Variants in ATAD5 observed in about 807,000 individuals in gnomAD.
The protein encoded by ATAD5 is ATPase family AAA domain-containing protein 5.
ATAD5 carries 58 observed loss-of-function variants against 176.9 expected under a neutral mutation model. That is an observed-to-expected ratio of 0.33 (90% CI 0.27 to 0.41). The LOEUF (loss-of-function observed/expected upper bound fraction) is 0.41. Ranked by LOEUF, ATAD5 falls within the 10% of genes least tolerant of loss-of-function variation. The pLI is 1.00. For missense variants in ATAD5, 1,789 were observed against 2,094.1 expected (o/e 0.85, Z 2.84); for synonymous variants, 640 against 712.6 (o/e 0.90, Z 1.62).
intron 18 of ATAD5, among the ~76,000 whole-genome samples, chr17:30,880,373 C>T (rs1342021985): frequency 6.6e-6 from 1 of 152,084 alleles, no homozygotes; most frequent in Non-Finnish European, 1.5e-5. Flanking sequence ...CTTTGGGAGG[C>T]CAGGTAGGGT....
chr17:30,841,102 T>C (rs1906085543), intron 4 of ATAD5, among the ~76,000 whole-genome samples: 1 of 151,994 alleles, frequency 6.6e-6, no homozygotes, highest in Non-Finnish European at 1.5e-5. Flanking sequence ...TTCTGCCTCC[T>C]GGGTTCGAGC....
At chr17:30,864,720 C>G (rs1474561097) in intron 10 of ATAD5, 1 of 152,196 alleles carries the variant, frequency 6.6e-6, no homozygotes, top group Non-Finnish European at 1.5e-5. Flanking sequence ...TTAGGTTCAG[C>G]TTATAAAGGA....
intron 1 of ATAD5, among the ~76,000 whole-genome samples, chr17:30,833,890 C>T (rs1000874307): frequency 1.3e-5 from 2 of 152,110 alleles, no homozygotes; most frequent in Admixed American, 1.3e-4. Flanking sequence ...CCACGTTGGC[C>T]AGGCTGGTCT....
Position 30,869,345 on chromosome 17 carries a change from A to G in ATAD5, c.3411A>G (p.Gly1137=). Residue 1137 remains glycine (G), a synonymous_variant, in exon 13 of 23, where the codon GGA becomes GGG. Transcript: ENST00000321990. ...TTATAACAGGGCCAACAGGAGTGGG[A>G]AAAACTGCTGCAGTGTATGCTTGTG... ...TVLITGPTGV[G]KTAAVYACAQ... The G allele has an allele frequency of 6.2e-7, 1 of 1,614,100 alleles. No individual in the cohort carries two copies. Among genetic ancestry groups the G allele is most frequent in the South Asian group, 1.1e-5 (1 of 91,060 alleles).
chr17:30,844,985 T>C, intron 6 of ATAD5, 69 bp downstream of exon 6: 1 of 1,315,176 alleles, frequency 7.6e-7, no homozygotes, highest in Non-Finnish European at 1.1e-6. Context: ...TGTGTTTACT[T>C]TGATGAGAAA....
Position 30,882,183 on chromosome 17 carries a change from G to C in ATAD5, c.4077+2696G>C, listed in dbSNP as rs1465305301. 2.6e-5 allele frequency among the ~76,000 whole-genome samples: 4 copies of C among 152,030 alleles called. No individual in the cohort carries two copies. The East Asian group carries it at 7.7e-4, about 29-fold the overall frequency. On this transcript the variant is annotated intron_variant, in intron 18 of 22. Coordinates refer to ENST00000321990, the MANE Select transcript of ATAD5 (RefSeq NM_024857.5). Reference sequence around the variant, plus strand: ...AGGCAGGAGAATTGCTCGAACCTGGGAGGCAGAGGTTGTGGTGAGCCAAGA... The same window carrying C: ...AGGCAGGAGAATTGCTCGAACCTGGCAGGCAGAGGTTGTGGTGAGCCAAGA...
At chr17:30,846,407 T>C (rs1332201035) in intron 6 of ATAD5, among the ~76,000 whole-genome samples, 1 of 151,674 alleles carries the variant, frequency 6.6e-6, no homozygotes. Flanking sequence ...TTTTTTTTTT[T>C]TTCTTTTTTT....
At chr17:30,883,813 T>G (rs917942520) in intron 18 of ATAD5, among the ~76,000 whole-genome samples, 1 of 152,210 alleles carries the variant, frequency 6.6e-6, no homozygotes, top group African/African-American at 2.4e-5. Flanking sequence ...CCTCCCAAAG[T>G]GCTGGGATTA....
chr17:30,888,415 G>A (rs538859278), intron 19 of ATAD5, among the ~76,000 whole-genome samples: 48 of 152,088 alleles, frequency 3.2e-4, no homozygotes, highest in African/African-American at 8.7e-4. Flanking sequence ...ATGGTGGTGC[G>A]TGTCTGTGGT....
chr17:30,884,811 A>C (rs1210428862), intron 18 of ATAD5, among the ~76,000 whole-genome samples: 1 of 140,070 alleles, frequency 7.1e-6, no homozygotes, highest in Non-Finnish European at 1.5e-5. Context: ...GCAGTGGTGC[A>C]ATCTCGGCTC....
chr17:30,872,819 G>A (rs552325778), intron 14 of ATAD5, among the ~76,000 whole-genome samples: 2 of 152,190 alleles, frequency 1.3e-5, no homozygotes, highest in South Asian at 2.1e-4. Flanking sequence ...GTCTCCCAGA[G>A]TGCTGGGATT....
At chr17:30,871,143 A>C (rs1011808182) in intron 14 of ATAD5, among the ~76,000 whole-genome samples, 3 of 129,802 alleles carry the variant, frequency 2.3e-5, no homozygotes, top group African/African-American at 1.0e-4. Context: ...TTACTATTCA[A>C]GTTTACACAT....
Position 30,843,904 on chromosome 17 carries a change from T to C in ATAD5, c.2242-9T>C. ...TTTAATTAAAATTTATTCTCTTATTTTGTCTTAGGATTCTGTTATAATAAT... is the reference window on the plus strand; with the variant it reads ...TTTAATTAAAATTTATTCTCTTATTCTGTCTTAGGATTCTGTTATAATAAT... On this transcript the variant is annotated splice_polypyrimidine_tract_variant and intron_variant, in intron 4 of 22. Coordinates refer to ENST00000321990, the MANE Select transcript of ATAD5 (RefSeq NM_024857.5). The C allele has an allele frequency of 7.6e-7, 1 of 1,308,740 alleles. No individual in the cohort carries two copies. The highest frequency in any genetic ancestry group is 1.0e-6 in the Non-Finnish European group (1 of 967,836). The allele number at this position is 1,308,740 out of a possible 1,614,324, so 81.1% of individuals were successfully genotyped here.
At chr17:30,845,191 A>G (rs185546529) in intron 6 of ATAD5, among the ~76,000 whole-genome samples, 119 of 152,194 alleles carry the variant, frequency 7.8e-4, no homozygotes, top group Non-Finnish European at 1.4e-3. Flanking sequence ...TTAAATACCT[A>G]CTAGTATGTA....
intron 18 of ATAD5, among the ~76,000 whole-genome samples, chr17:30,880,526 T>A (rs1265259744): frequency 1.3e-5 from 2 of 151,560 alleles, no homozygotes; most frequent in Non-Finnish European, 2.9e-5. Flanking sequence ...GAGAATCGCT[T>A]GAATTTGGGA....
chr17:30,881,584 T>G (rs1238052692), intron 18 of ATAD5, among the ~76,000 whole-genome samples: 1 of 152,148 alleles, frequency 6.6e-6, no homozygotes, highest in African/African-American at 2.4e-5. Context: ...ATTACAGGCG[T>G]GAGCCACCGC....
At chr17:30,857,211 C>T in intron 8 of ATAD5, 99 bp downstream of exon 8, 3 of 1,344,092 alleles carry the variant, frequency 2.2e-6, no homozygotes, top group Admixed American at 2.9e-5. Context: ...CGAGTGTTGT[C>T]CTAGAGTTTA....
At chr17:30,836,593 TCTCA>T (rs1905760960) in intron 2 of ATAD5, among the ~76,000 whole-genome samples, 1 of 151,850 alleles carries the variant, frequency 6.6e-6, no homozygotes, top group African/African-American at 2.4e-5. Flanking sequence ...TGAGATGGAG[TCTCA>T]CTCACTGTTG....
At chr17:30,841,796 C>T (rs1193244286) in intron 4 of ATAD5, among the ~76,000 whole-genome samples, 1 of 152,110 alleles carries the variant, frequency 6.6e-6, no homozygotes, top group African/African-American at 2.4e-5. Context: ...ATTTATGTTA[C>T]AGCCTCAGTA....
Sources: gnomAD v4.1 joint callset for allele counts (sites outside exome capture counted in the v4.1 genomes callset) on GRCh38, gnomAD v4.1.1 for gene constraint, MANE v1.5 for transcripts, NCBI Gene and HGNC (gene_info 2026-07-23, HGNC 2026-07-21) for gene names.